The following UNC79 variants were observed in gnomAD, a reference collection of about 807,000 sequenced individuals.
UNC79 encodes protein unc-79 homolog.
Under a neutral mutation model 283.1 loss-of-function variants are expected in UNC79, and 37 were observed. That is an observed-to-expected ratio of 0.13 (90% CI 0.10 to 0.17). The LOEUF is 0.17. Among genes scored for constraint, UNC79 ranks in the 10% least tolerant of loss-of-function variants. UNC79 has a pLI of 1.00. For synonymous variants in UNC79, 1,107 were observed against 1,200.2 expected, an observed-to-expected ratio of 0.92 and a Z score of 1.61; for missense variants, 2,272 against 3,211.1, an observed-to-expected ratio of 0.71 and a Z score of 7.07.
intron 1 of UNC79, among the ~76,000 whole-genome samples, chr14:93,415,297 T>C (rs1336667671): frequency 3.9e-5 from 6 of 152,210 alleles, no homozygotes; most frequent in Non-Finnish European, 7.3e-5. Context: ...TTGTCTTTGG[T>C]TCTGTTTATA....
intron 7 of UNC79, among the ~76,000 whole-genome samples, chr14:93,515,814 A>G (rs1434577768): frequency 6.6e-6 from 1 of 152,072 alleles, no homozygotes; most frequent in East Asian, 1.9e-4. Context: ...ATGCTCTCTC[A>G]TTCAGGGGCT....
At chr14:93,516,856 C>T (rs1047875482) in intron 7 of UNC79, among the ~76,000 whole-genome samples, 16 of 151,894 alleles carry the variant, frequency 1.1e-4, no homozygotes, top group African/African-American at 3.9e-4. Context: ...GTATATTTAT[C>T]CATTTATTTA....
At chr14:93,539,710 A>G (rs1358365349) in intron 12 of UNC79, among the ~76,000 whole-genome samples, 1 of 152,158 alleles carries the variant, frequency 6.6e-6, no homozygotes, top group Admixed American at 6.5e-5. Flanking sequence ...TGATGATGTT[A>G]TCACCATCAT....
chr14:93,572,861 C>CT (rs2063283586), intron 16 of UNC79, 45 bp downstream of exon 16: 3 of 1,600,286 alleles, frequency 1.9e-6, no homozygotes, highest in Non-Finnish European at 2.6e-6. Context: ...TAGTTCTTAG[C>CT]TTATAAGCTT....
chr14:93,598,319 T>C (rs903099310), intron 24 of UNC79, among the ~76,000 whole-genome samples: 16 of 152,084 alleles, frequency 1.1e-4, no homozygotes, highest in Admixed American at 9.8e-4. Flanking sequence ...TTTCAGTCTT[T>C]GTTCATATGC....
chr14:93,449,806 G>A (rs768399701), intron 1 of UNC79, among the ~76,000 whole-genome samples: 14 of 152,284 alleles, frequency 9.2e-5, no homozygotes, highest in Non-Finnish European at 1.6e-4. Context: ...GCAAGGGAAT[G>A]ATAAATGAAA....
At chr14:93,488,633 G>A (rs2058570366) in intron 5 of UNC79, among the ~76,000 whole-genome samples, 2 of 152,244 alleles carry the variant, frequency 1.3e-5, no homozygotes, top group East Asian at 1.9e-4. Flanking sequence ...AGTCCGTTGG[G>A]TTGTAACAGA....
At chr14:93,604,801 G>T (rs1190801616) in intron 26 of UNC79, 95 bp from the exon 27 acceptor site, 1 of 1,220,356 alleles carries the variant, frequency 8.2e-7, no homozygotes, top group African/African-American at 1.5e-5. Flanking sequence ...AATGAAACCT[G>T]CCCCTACTAT....
chr14:93,597,132 A>T (rs1473645989), intron 23 of UNC79, among the ~76,000 whole-genome samples: 1 of 152,234 alleles, frequency 6.6e-6, no homozygotes, highest in Non-Finnish European at 1.5e-5. Flanking sequence ...CGTGGGAAAA[A>T]AAAGTTCTGC....
chr14:93,578,920 A>T (rs528810634), intron 18 of UNC79, among the ~76,000 whole-genome samples: 2 of 152,274 alleles, frequency 1.3e-5, no homozygotes, highest in African/African-American at 4.8e-5. Flanking sequence ...GTCTTCTTTA[A>T]TCTAGGACAG....
intron 1 of UNC79, among the ~76,000 whole-genome samples, chr14:93,458,857 T>C (rs1327392720): frequency 6.6e-6 from 1 of 152,212 alleles, no homozygotes; most frequent in Non-Finnish European, 1.5e-5. Flanking sequence ...TAAAGTGTTG[T>C]TAGGGAAACT....
chr14:93,704,650 T>C, exon 48 of UNC79: 1 of 1,614,208 alleles, frequency 6.2e-7, no homozygotes, highest in Non-Finnish European at 8.5e-7. Flanking sequence ...TTGCCAATGA[T>C]TCAGTCAAAT....
intron 19 of UNC79, 58 bp downstream of exon 19, chr14:93,580,434 C>T (rs567460630): frequency 6.7e-7 from 1 of 1,491,642 alleles, no homozygotes; most frequent in African/African-American, 1.4e-5. Context: ...ACTGCAGTAG[C>T]TGATGTAATG....
intron 40 of UNC79, among the ~76,000 whole-genome samples, chr14:93,664,267 G>A (rs984057491): frequency 1.3e-5 from 2 of 152,156 alleles, no homozygotes; most frequent in Non-Finnish European, 2.9e-5. Flanking sequence ...TAGCAAACTG[G>A]TAGTCTAGAT....
chr14:93,371,562 C>T (rs139762184), intron 1 of UNC79, among the ~76,000 whole-genome samples: 207 of 152,060 alleles, frequency 1.4e-3, no homozygotes, highest in Non-Finnish European at 1.9e-3. Context: ...GAATTACAGC[C>T]GGGCTAGGTG....
chr14:93,698,493 T>TTTG, intron 47 of UNC79, among the ~76,000 whole-genome samples: 1 of 126,794 alleles, frequency 7.9e-6, no homozygotes, highest in Non-Finnish European at 1.7e-5. Flanking sequence ...TTTTTTTTTT[T>TTTG]TTTTTTTTTT....
Position 93,405,177 on chromosome 14 carries a change from GGAGGCT to G in UNC79, c.-350-62489_-350-62484del, listed in dbSNP as rs547740848. Among the ~76,000 whole-genome samples, 6 of 151,876 alleles carry G rather than the reference GGAGGCT, an allele frequency of 4.0e-5. No individual in the cohort carries two copies. In the South Asian group the frequency reaches 1.0e-3, roughly 26 times the overall value. Reference sequence around the variant, plus strand: ...GGGCACCTGTAATCCCAGCTACTCGGGAGGCTGAGGTAGGAAAATCGCTTGAACCTG... The same window carrying G: ...GGGCACCTGTAATCCCAGCTACTCGGGAGGTAGGAAAATCGCTTGAACCTG... On this transcript the variant is annotated intron_variant, in intron 1 of 49. Transcript: ENST00000256339.
intron 35 of UNC79, 98 bp from the exon 39 acceptor site, chr14:93,653,644 A>T: frequency 9.9e-7 from 1 of 1,015,044 alleles, no homozygotes; most frequent in Non-Finnish European, 1.5e-6. Context: ...CTATCCCATC[A>T]GAGGCATGGT....
Position 93,404,493 on chromosome 14 carries a change from A to AAAAAATATATATATATATATATATAT in UNC79, c.-350-63177_-350-63176insAAAATATATATATATATATATATATA. ...TGACAGAGTGAGACCTTCTAAAAAA[A>AAAAAATATATATATATATATATATAT]ATATATATATATATATATATAAATA... On this transcript the variant is annotated intron_variant, in intron 1 of 49. Coordinates refer to the UNC79 transcript ENST00000256339. Among the ~76,000 whole-genome samples, 30 of 61,476 alleles carry AAAAAATATATATATATATATATATAT rather than the reference A, an allele frequency of 4.9e-4. 1 individual carries two copies. Among genetic ancestry groups the AAAAAATATATATATATATATATATAT allele is most frequent in the Non-Finnish European group, 6.4e-4 (20 of 31,158 alleles). The allele number at this position is 61,476 out of a possible 152,430, so 40.3% of individuals were successfully genotyped here. A position where few individuals can be genotyped will look rare whatever the true frequency, so the allele number is the denominator to read the frequency against.
Sources: allele counts gnomAD v4.1 joint callset (sites outside exome capture counted in the v4.1 genomes callset), GRCh38; gene constraint gnomAD v4.1.1; transcripts MANE v1.5; gene names NCBI Gene and HGNC (gene_info 2026-07-23, HGNC 2026-07-21).